Variants in NAALADL2 observed in about 807,000 individuals in gnomAD.
NAALADL2 encodes N-acetylated alpha-linked acidic dipeptidase like 2, also known as inactive N-acetylated-alpha-linked acidic dipeptidase-like protein 2.
A neutral mutation model predicts 87.2 loss-of-function variants in NAALADL2; 76 were observed. The observed-to-expected ratio is 0.87, with a 90% CI of 0.72 to 1.05. The LOEUF (loss-of-function observed/expected upper bound fraction) is 1.05. NAALADL2 is among the 50% of genes least tolerant of loss of function. NAALADL2 has a pLI of 0.00. For missense variants in NAALADL2, 1,089 were observed against 945.8 expected (o/e 1.15, Z -1.99); for synonymous variants, 354 against 331.0 (o/e 1.07, Z -0.75).
At chr3:175,630,901 T>G (rs1268323924) in intron 11 of NAALADL2, among the ~76,000 whole-genome samples, 1 of 151,656 alleles carries the variant, frequency 6.6e-6, no homozygotes, top group Non-Finnish European at 1.5e-5. Context: ...GAATTATTAC[T>G]AGTATTATGT....
intron 13 of NAALADL2, among the ~76,000 whole-genome samples, chr3:175,802,301 G>T (rs1179024048): frequency 6.7e-6 from 1 of 148,988 alleles, no homozygotes; most frequent in African/African-American, 2.5e-5. Flanking sequence ...GTCTAGTAAG[G>T]TCTATGCTTT....
intron 1 of NAALADL2, among the ~76,000 whole-genome samples, chr3:174,542,751 C>T (rs986856027): frequency 2.6e-5 from 4 of 152,124 alleles, no homozygotes; most frequent in South Asian, 2.1e-4. Flanking sequence ...ATGGGAATGT[C>T]TTATGCTGAT....
At chr3:175,375,907 A>G (rs1002468802) in intron 5 of NAALADL2, among the ~76,000 whole-genome samples, 3 of 151,982 alleles carry the variant, frequency 2.0e-5, no homozygotes, top group African/African-American at 7.2e-5. Context: ...CATTTTAGCT[A>G]TGCATCCTTT....
intron 2 of NAALADL2, among the ~76,000 whole-genome samples, chr3:174,586,913 C>T (rs1716787512): frequency 6.6e-6 from 1 of 151,898 alleles, no homozygotes; most frequent in South Asian, 2.1e-4. Context: ...ATACATGAGC[C>T]ATGTTGGTGT....
At chr3:174,727,252 A>G (rs1208123430) in intron 2 of NAALADL2, among the ~76,000 whole-genome samples, 1 of 55,506 alleles carries the variant, frequency 1.8e-5, no homozygotes. Flanking sequence ...ATATGAAGTA[A>G]TGGAAGCCTG....
chr3:174,967,246 A>G (rs535534274), intron 1 of NAALADL2, among the ~76,000 whole-genome samples: 2 of 152,212 alleles, frequency 1.3e-5, no homozygotes, highest in Admixed American at 1.3e-4. Context: ...CGTTTGTTTC[A>G]TATATTATAT....
intron 3 of NAALADL2, among the ~76,000 whole-genome samples, chr3:174,783,485 TC>T (rs1160511245): frequency 6.6e-6 from 1 of 152,188 alleles, no homozygotes; most frequent in African/African-American, 2.4e-5. Context: ...TTGCAGAGCT[TC>T]ATTACTAGAA....
intron 4 of NAALADL2, among the ~76,000 whole-genome samples, chr3:175,299,701 C>A (rs149204217): frequency 0.013 from 2,028 of 152,164 alleles, 50 homozygotes; most frequent in African/African-American, 0.046. Flanking sequence ...TGGGCTGAGA[C>A]CATGGGGTTT....
chr3:174,974,396 T>C (rs1744093427), intron 1 of NAALADL2, among the ~76,000 whole-genome samples: 1 of 152,216 alleles, frequency 6.6e-6, no homozygotes, highest in African/African-American at 2.4e-5. Context: ...GCATCCCAGG[T>C]ACAAGCAATG....
chr3:175,269,923 T>C (rs2109996979), intron 4 of NAALADL2, among the ~76,000 whole-genome samples: 1 of 152,284 alleles, frequency 6.6e-6, no homozygotes. Flanking sequence ...ATGAGAGAGA[T>C]ACACAGAGAA....
At chr3:175,725,721 T>G (rs372235498) in intron 11 of NAALADL2, among the ~76,000 whole-genome samples, 9 of 152,278 alleles carry the variant, frequency 5.9e-5, no homozygotes, top group African/African-American at 2.2e-4. Flanking sequence ...AAAATTGCCA[T>G]GTACTAGCTA....
At chr3:174,503,392 A>G (rs1034738010) in intron 1 of NAALADL2, among the ~76,000 whole-genome samples, 15 of 152,216 alleles carry the variant, frequency 9.9e-5, no homozygotes, top group African/African-American at 3.6e-4. Flanking sequence ...TATGCCAGTC[A>G]GTAATTAAAA....
At chr3:175,414,648 CA>C (rs1714246230) in intron 5 of NAALADL2, among the ~76,000 whole-genome samples, 1 of 152,132 alleles carries the variant, frequency 6.6e-6, no homozygotes, top group Non-Finnish European at 1.5e-5. Context: ...GTATGTTATT[CA>C]AAAAGTGACT....
intron 10 of NAALADL2, among the ~76,000 whole-genome samples, chr3:175,622,552 A>G (rs1047390946): frequency 1.3e-5 from 2 of 152,094 alleles, no homozygotes; most frequent in African/African-American, 2.4e-5. Flanking sequence ...TATGGAGAGT[A>G]AGTAGCAGTA....
intron 2 of NAALADL2, among the ~76,000 whole-genome samples, 177 bp from the exon 3 acceptor site, chr3:175,233,754 G>T (rs546553957): frequency 3.9e-5 from 6 of 152,152 alleles, no homozygotes; most frequent in Non-Finnish European, 7.4e-5. Context: ...CTTAATTTAA[G>T]AAACTAATTC....
intron 1 of NAALADL2, among the ~76,000 whole-genome samples, chr3:174,470,269 A>T (rs775695893): frequency 5.3e-5 from 8 of 151,990 alleles, no homozygotes; most frequent in Non-Finnish European, 1.0e-4. Flanking sequence ...GCACTTTTTC[A>T]TATGTGTGTT....
chr3:175,060,702 A>C, intron 1 of NAALADL2, among the ~76,000 whole-genome samples: 1 of 152,214 alleles, frequency 6.6e-6, no homozygotes, highest in East Asian at 1.9e-4. Context: ...TATACATAGT[A>C]GGACAATATC....
chr3:175,548,221 AT>A (rs1277855284), intron 9 of NAALADL2, among the ~76,000 whole-genome samples: 6 of 152,170 alleles, frequency 3.9e-5, no homozygotes, highest in Admixed American at 3.9e-4. Flanking sequence ...CTATGCAGCC[AT>A]AAAAAACAAT....
At chr3:174,891,670 C>T (rs1730885842) in intron 1 of NAALADL2, among the ~76,000 whole-genome samples, 1 of 152,130 alleles carries the variant, frequency 6.6e-6, no homozygotes, top group Admixed American at 6.5e-5. Flanking sequence ...GCAATCCTTG[C>T]CACTTAGGTC....
Sources: allele counts gnomAD v4.1 joint callset (sites outside exome capture counted in the v4.1 genomes callset), GRCh38; gene constraint gnomAD v4.1.1; transcripts MANE v1.5; gene names NCBI Gene and HGNC (gene_info 2026-07-23, HGNC 2026-07-21).